The following PDZD2 variants were observed in gnomAD, a reference collection of about 807,000 sequenced individuals.
PDZD2 encodes PDZ domain containing 2.
In PDZD2, 90 loss-of-function variants were observed where a neutral mutation model predicts 220.7. The observed-to-expected ratio is 0.41, with a 90% CI of 0.34 to 0.49. The LOEUF (loss-of-function observed/expected upper bound fraction) is 0.49. PDZD2 is among the 20% of genes least tolerant of loss of function. The pLI is 0.28. For missense variants in PDZD2, 3,174 were observed against 3,608.5 expected (o/e 0.88, Z 3.08); for synonymous variants, 1,375 against 1,450.5 (o/e 0.95, Z 1.18).
intron 1 of PDZD2, among the ~76,000 whole-genome samples, chr5:31,687,385 T>C (rs1343549361): frequency 6.6e-6 from 1 of 152,212 alleles, no homozygotes; most frequent in Non-Finnish European, 1.5e-5. Context: ...ACATGGCCTT[T>C]CCTCCAGTTT....
At chr5:31,942,976 G>A (rs1339771092) in intron 2 of PDZD2, among the ~76,000 whole-genome samples, 2 of 152,204 alleles carry the variant, frequency 1.3e-5, no homozygotes, top group Non-Finnish European at 2.9e-5. Context: ...CCCAAGGCGG[G>A]TGGATCACCT....
intron 4 of PDZD2, among the ~76,000 whole-genome samples, chr5:31,996,605 G>A (rs1056213798): frequency 2.6e-5 from 4 of 152,276 alleles, no homozygotes; most frequent in Middle Eastern, 3.4e-3. Flanking sequence ...GTACTTGGGA[G>A]GCTGAGGCAC....
intron 1 of PDZD2, among the ~76,000 whole-genome samples, chr5:31,721,340 G>T (rs1168117136): frequency 1.3e-5 from 2 of 152,158 alleles, no homozygotes; most frequent in Non-Finnish European, 2.9e-5. Context: ...CCTGGAAAGT[G>T]CTCAGGCCCT....
chr5:31,687,299 A>G (rs1746912433), intron 1 of PDZD2, among the ~76,000 whole-genome samples: 1 of 152,190 alleles, frequency 6.6e-6, no homozygotes, highest in South Asian at 2.1e-4. Flanking sequence ...GTTCTCTGCC[A>G]CTTTATTATC....
At chr5:31,891,064 CCTT>C (rs1337329992) in intron 2 of PDZD2, among the ~76,000 whole-genome samples, 2 of 152,054 alleles carry the variant, frequency 1.3e-5, no homozygotes, top group Non-Finnish European at 2.9e-5. Context: ...TCCAACCTCA[CCTT>C]CTCATTCTCG....
At chr5:31,809,379 T>C (rs16901583) in intron 2 of PDZD2, among the ~76,000 whole-genome samples, 30,322 of 152,206 alleles carry the variant, frequency 0.2, 3,188 homozygotes, top group Middle Eastern at 0.25. Context: ...GAGCTCTCTC[T>C]TGAATGGCAA....
chr5:31,662,742 G>T (rs935283319), intron 1 of PDZD2, among the ~76,000 whole-genome samples: 1 of 152,206 alleles, frequency 6.6e-6, no homozygotes, highest in Admixed American at 6.5e-5. Flanking sequence ...CCATTCTCCT[G>T]CCTCAGCCTC....
At chr5:32,053,408 C>G (rs1002474129) in intron 9 of PDZD2, among the ~76,000 whole-genome samples, 1 of 152,210 alleles carries the variant, frequency 6.6e-6, no homozygotes, top group African/African-American at 2.4e-5. Context: ...AATGTGGCAC[C>G]TGCATGTAAG....
chr5:32,008,936 C>T (rs1753069390), intron 5 of PDZD2, among the ~76,000 whole-genome samples: 1 of 152,026 alleles, frequency 6.6e-6, no homozygotes, highest in Non-Finnish European at 1.5e-5. Flanking sequence ...GCGGAAAAGG[C>T]AGTGGGCAAG....
At chr5:32,063,027 ATATTAT>A (rs147802513) in intron 14 of PDZD2, among the ~76,000 whole-genome samples, 26 of 142,334 alleles carry the variant, frequency 1.8e-4, no homozygotes, top group East Asian at 4.1e-4. Context: ...TGAGAATGAA[ATATTAT>A]TATTATTATT....
chr5:31,680,033 T>TC (rs1746592633), intron 1 of PDZD2, among the ~76,000 whole-genome samples: 2 of 152,230 alleles, frequency 1.3e-5, no homozygotes, highest in African/African-American at 4.8e-5. Context: ...TTCTAGAGCA[T>TC]TTTTCTTGGA....
chr5:32,047,835 TCA>T (rs1738129033), intron 7 of PDZD2, among the ~76,000 whole-genome samples: 1 of 152,232 alleles, frequency 6.6e-6, no homozygotes, highest in Non-Finnish European at 1.5e-5. Context: ...TGGTTGAATC[TCA>T]TAAACAAATG....
In PDZD2 at chr5:31,725,698, G is replaced by A. The variant is rs183077210; in HGVS notation, c.-360-73191G>A. The A allele has an allele frequency of 3.0e-5, 28 of 923,282 alleles. No homozygotes were observed. The East Asian group carries it at 5.7e-4, about 19-fold the overall frequency. The allele number at this position is 923,282 out of a possible 1,614,324, so 57.2% of individuals were successfully genotyped here. On this transcript the variant is annotated intron_variant, in intron 1 of 24. Coordinates refer to ENST00000438447, the MANE Select transcript of PDZD2 (RefSeq NM_178140.4). ...TGCTTTGGAATCTGTTTTTAGAGAT[G>A]CCTCTAGTTTTGGTATGAGATGCAG...
At chr5:31,688,671 T>G (rs1746969134) in intron 1 of PDZD2, among the ~76,000 whole-genome samples, 2 of 152,158 alleles carry the variant, frequency 1.3e-5, no homozygotes, top group African/African-American at 4.8e-5. Flanking sequence ...GGCTGTCTTC[T>G]CACTCCAGAA....
chr5:31,700,301 A>G (rs1747558685), intron 1 of PDZD2, among the ~76,000 whole-genome samples: 1 of 151,894 alleles, frequency 6.6e-6, no homozygotes, highest in Admixed American at 6.6e-5. Context: ...GAGGGAGGAG[A>G]GACAGAGGTG....
intron 1 of PDZD2, among the ~76,000 whole-genome samples, chr5:31,770,775 C>T (rs1752294480): frequency 6.6e-6 from 1 of 151,636 alleles, no homozygotes; most frequent in South Asian, 2.1e-4. Context: ...CAAACCAGGG[C>T]AGTTTCTCTG....
At chr5:31,703,923 TCTCTCTCTC>T (rs1371908189) in intron 1 of PDZD2, among the ~76,000 whole-genome samples, 3 of 151,548 alleles carry the variant, frequency 2.0e-5, no homozygotes, top group African/African-American at 7.3e-5. Context: ...CCTTTTTCTC[TCTCTCTCTC>T]CTCTCTCTCT....
chr5:32,014,719 T>C lies in PDZD2; in HGVS notation c.1407+4237T>C, dbSNP rs1260472951. Among the ~76,000 whole-genome samples the C allele has an allele frequency of 1.7e-3, 229 of 136,554 alleles. 4 individuals are homozygous for C. The highest frequency in any genetic ancestry group is 5.1e-3 in the African/African-American group (171 of 33,534). The allele number at this position is 136,554 out of a possible 152,430, so 89.6% of individuals were successfully genotyped here. On this transcript the variant is annotated intron_variant, in intron 6 of 24. Coordinates refer to ENST00000438447, the MANE Select transcript of PDZD2 (RefSeq NM_178140.4). ...CAATGACAATTTCTTTTTTTTTTTT[T>C]TTTTTTTTTTTTTTTGAGATGGAGT...
At chr5:32,066,847 TGC>T (rs1432232017) in intron 14 of PDZD2, among the ~76,000 whole-genome samples, 4 of 152,222 alleles carry the variant, frequency 2.6e-5, no homozygotes, top group Non-Finnish European at 5.9e-5. Flanking sequence ...GTGGCCGCCA[TGC>T]CATTGACCAT....
Sources: allele counts gnomAD v4.1 joint callset (sites outside exome capture counted in the v4.1 genomes callset), GRCh38; gene constraint gnomAD v4.1.1; transcripts MANE v1.5; gene names NCBI Gene and HGNC (gene_info 2026-07-23, HGNC 2026-07-21).